LANCL1: variants seen among roughly 807,000 people sequenced by gnomAD.
LANCL1 encodes glutathione S-transferase LANCL1.
LANCL1 carries 50 observed loss-of-function variants against 50.6 expected under a neutral mutation model. That is an observed-to-expected ratio of 0.99 (90% confidence interval 0.79 to 1.25). LANCL1 has a LOEUF of 1.25. Ranked by LOEUF, LANCL1 falls within the 50% of genes most tolerant of loss-of-function variation. The pLI, the probability that LANCL1 is intolerant of heterozygous loss-of-function variation, is 0.00. For synonymous variants in LANCL1, 188 were observed against 178.6 expected, an observed-to-expected ratio of 1.05 and a Z score of -0.42; for missense variants, 532 against 480.7, an observed-to-expected ratio of 1.11 and a Z score of -1.00.
chr2:210,466,516 A>G (rs902535910), intron 3 of LANCL1, among the ~76,000 whole-genome samples: 5 of 152,212 alleles, frequency 3.3e-5, no homozygotes, highest in Non-Finnish European at 7.3e-5. Flanking sequence ...TGATACACAT[A>G]GCCGTCTTGC....
intron 4 of LANCL1, among the ~76,000 whole-genome samples, chr2:210,442,064 C>G (rs1463527669): frequency 6.6e-6 from 1 of 152,086 alleles, no homozygotes; most frequent in Non-Finnish European, 1.5e-5. Context: ...ACCACCACAC[C>G]TGGCTAATTT....
At chr2:210,467,510 A>G (rs947638573) in intron 3 of LANCL1, among the ~76,000 whole-genome samples, 10 of 152,194 alleles carry the variant, frequency 6.6e-5, no homozygotes, top group African/African-American at 2.4e-4. Context: ...TCCCTTCCTT[A>G]TGATTTTCTT....
chr2:210,442,700 G>C (rs1435749496), intron 4 of LANCL1: 1 of 152,198 alleles, frequency 6.6e-6, no homozygotes, highest in Non-Finnish European at 1.5e-5. Flanking sequence ...CAAACCAATG[G>C]TGAGTTTACC....
Position 210,476,629 on chromosome 2 carries a change from G to A in LANCL1, c.-26C>T, listed in dbSNP as rs1694388867. The A allele has an allele frequency of 1.5e-6, 2 of 1,295,288 alleles. No homozygotes were observed. The highest frequency in any genetic ancestry group is 2.0e-6 in the Non-Finnish European group (2 of 1,020,942). The allele number at this position is 1,295,288 out of a possible 1,614,324, so 80.2% of individuals were successfully genotyped here. On this transcript the variant is annotated 5_prime_UTR_variant, in exon 1 of 10. Coordinates refer to ENST00000450366, the MANE Select transcript of LANCL1 (RefSeq NM_006055.3). ...AGGGCCCTTAACCCACCCGGACAAAGAGGCCCCGTTTTGCAACCCCGTTCC... is the reference window on the plus strand; with the variant it reads ...AGGGCCCTTAACCCACCCGGACAAAAAGGCCCCGTTTTGCAACCCCGTTCC...
chr2:210,446,681 A>C (rs1693341133), intron 4 of LANCL1, among the ~76,000 whole-genome samples: 1 of 152,084 alleles, frequency 6.6e-6, no homozygotes, highest in Non-Finnish European at 1.5e-5. Flanking sequence ...TGGAGCTGAA[A>C]AACACAGCAT....
intron 3 of LANCL1, 114 bp downstream of exon 3, chr2:210,471,845 A>T (rs1694232973): frequency 2.5e-6 from 2 of 794,840 alleles, no homozygotes; most frequent in Non-Finnish European, 4.4e-6. Flanking sequence ...GCAATTACTC[A>T]TATGCAGATG....
intron 7 of LANCL1, among the ~76,000 whole-genome samples, chr2:210,437,064 T>C (rs73069775): frequency 1.3e-5 from 2 of 152,192 alleles, no homozygotes; most frequent in Non-Finnish European, 2.9e-5. Context: ...ATTTGTTGAT[T>C]TGGCACCAAT....
chr2:210,439,968 T>C (rs901269215), intron 6 of LANCL1, among the ~76,000 whole-genome samples: 38 of 152,222 alleles, frequency 2.5e-4, no homozygotes, highest in African/African-American at 9.2e-4. Flanking sequence ...TCTCCCAAAA[T>C]GATGCTCTCC....
chr2:210,441,948 A>C (rs1034559766), intron 4 of LANCL1, among the ~76,000 whole-genome samples: 1 of 150,520 alleles, frequency 6.6e-6, no homozygotes, highest in Non-Finnish European at 1.5e-5. Flanking sequence ...CTTCTTGCCC[A>C]GGCTGGAGTG....
chr2:210,440,689 G>A lies in LANCL1; in HGVS notation c.599C>T (p.Thr200Met), dbSNP rs141178650. Reference sequence around the variant, plus strand: ...TTCATACATCAGTGGAGACTTTGCCGTGAAGTTTCTCTTCCTAGCTAGGTT... The same window carrying A: ...TTCATACATCAGTGGAGACTTTGCCATGAAGTTTCTCTTCCTAGCTAGGTT... ...GENLARKRNF[T>M]AKSPLMYEWY... Residue 200 changes from threonine (T) to methionine (M), a missense_variant, in exon 6 of 10, where the codon ACG becomes ATG. Transcript: ENST00000450366. The A allele has an allele frequency of 3.1e-4, 505 of 1,613,922 alleles. 2 individuals are homozygous for A. The African/African-American group carries it at 5.6e-3, about 18-fold the overall frequency.
intron 4 of LANCL1, among the ~76,000 whole-genome samples, chr2:210,443,935 C>G (rs1317018059): frequency 2.0e-5 from 3 of 152,188 alleles, no homozygotes; most frequent in Non-Finnish European, 4.4e-5. Flanking sequence ...ATGGTACGGG[C>G]TTTCCCACTC....
chr2:210,451,853 G>A (rs1363236250), intron 4 of LANCL1, among the ~76,000 whole-genome samples: 1 of 152,200 alleles, frequency 6.6e-6, no homozygotes, highest in Non-Finnish European at 1.5e-5. Flanking sequence ...TTCAGTCATT[G>A]AAAGGAACAA....
At position 210,441,442 on chromosome 2, in the gene LANCL1, G is replaced by C. The variant is rs1693131592; in HGVS notation, c.409C>G (p.Leu137Val). Reference protein sequence around the residue: ...EKQAEDCITRLIHLNKIDPHA... With the variant: ...EKQAEDCITRVIHLNKIDPHA... Reference sequence around the variant, plus strand: ...GGATCAATCTTATTTAGGTGAATTAGCCTAAAAATAAAAATACATGCCCCA... The same window carrying C: ...GGATCAATCTTATTTAGGTGAATTACCCTAAAAATAAAAATACATGCCCCA... The change falls in exon 5 of 10, where the codon CTA becomes GTA. Residue 137 changes from leucine (L) to valine (V), a missense_variant and splice_region_variant. Leu to Val is a conservative substitution (Grantham distance 32, BLOSUM62 1). Coordinates refer to ENST00000450366, the MANE Select transcript of LANCL1 (RefSeq NM_006055.3). 6.2e-7 allele frequency: 1 copy of C among 1,600,360 alleles called. No homozygotes were observed. The highest frequency in any genetic ancestry group is 8.5e-7 in the Non-Finnish European group (1 of 1,172,400).
Position 210,437,738 on chromosome 2 carries a change from C to T in LANCL1, c.825G>A (p.Trp275Ter), listed in dbSNP as rs548688450. ...AGATTACCCCAGGGGCGCCATGGCA[C>T]CAATGGACAAGCAGATCTCGATTAT... ...IGDNRDLLVH[W>*]CHGAPGVIYM... The change falls in exon 7 of 10, where the codon TGG becomes TGA. Residue 275 changes from tryptophan (W) to a stop codon, truncating the protein, a stop_gained. Coordinates refer to ENST00000450366, the MANE Select transcript of LANCL1 (RefSeq NM_006055.3). LOFTEE classifies it high-confidence loss of function. The T allele has an allele frequency of 8.1e-6, 13 of 1,611,272 alleles. No homozygotes were observed. In the African/African-American group the frequency reaches 1.6e-4, roughly 20 times the overall value.
chr2:210,462,011 T>C (rs1046498462), intron 3 of LANCL1, among the ~76,000 whole-genome samples: 1 of 152,218 alleles, frequency 6.6e-6, no homozygotes, highest in Admixed American at 6.5e-5. Flanking sequence ...TCCTTACCAG[T>C]GTTTTGTGGT....
upstream of LANCL1, chr2:210,477,573 C>T: frequency 7.2e-7 from 1 of 1,398,150 alleles, no homozygotes; most frequent in East Asian, 2.6e-5. Context: ...AGACCTCCAA[C>T]TGGAGAAGCT....
chr2:210,451,800 G>C lies in LANCL1; in HGVS notation c.407+3307C>G, dbSNP rs564761175. ...ATAGCCTTTTAAAAATTCCTTTTCT[G>C]AGATAAAAAAGAAATGTGGTATATA... is the stretch of plus-strand genomic sequence containing the variant. On this transcript the variant is annotated intron_variant, in intron 4 of 9. Transcript: ENST00000450366. Among the ~76,000 whole-genome samples, 26 of 152,084 alleles carry C rather than the reference G, an allele frequency of 1.7e-4. No individual in the cohort carries two copies. The South Asian group carries it at 5.0e-3, about 29-fold the overall frequency.
At position 210,441,301 on chromosome 2, in the gene LANCL1, G is replaced by C. The variant is rs529724266; in HGVS notation, c.543+7C>G. 3 of 1,607,890 alleles carry C rather than the reference G, an allele frequency of 1.9e-6. No individual in the cohort carries two copies. The South Asian group carries it at 3.3e-5, about 18-fold the overall frequency. ...AAAAGGCTCCTAAAAACACAAAAAC[G>C]TGGTACCTGCTGAATATGGCTTTGA... On this transcript the variant is annotated splice_region_variant and intron_variant, in intron 5 of 9. Coordinates refer to ENST00000450366, the MANE Select transcript of LANCL1 (RefSeq NM_006055.3).
chr2:210,475,482 A>C (rs943399592), intron 2 of LANCL1, among the ~76,000 whole-genome samples: 8 of 152,030 alleles, frequency 5.3e-5, no homozygotes, highest in African/African-American at 1.7e-4. Flanking sequence ...CAAGCTTTCC[A>C]CCACACCTGG....
Sources: gnomAD v4.1 joint callset for allele counts (sites outside exome capture counted in the v4.1 genomes callset) on GRCh38, gnomAD v4.1.1 for gene constraint, MANE v1.5 for transcripts, NCBI Gene and HGNC (gene_info 2026-07-23, HGNC 2026-07-21) for gene names.